The following ENTPD3 variants were observed in gnomAD, a reference collection of about 807,000 sequenced individuals.
ENTPD3 encodes the protein ectonucleoside triphosphate diphosphohydrolase 3.
Under a neutral mutation model 51.2 loss-of-function variants are expected in ENTPD3, and 60 were observed. The observed-to-expected ratio is 1.17, with a 90% CI of 0.95 to 1.45. The LOEUF is 1.45. Ranked by LOEUF, ENTPD3 falls within the 40% of genes most tolerant of loss-of-function variation. The probability of loss-of-function intolerance (pLI) is 0.00; values close to 1 mark genes in which losing one functional copy is unlikely to be tolerated. For missense variants in ENTPD3, 593 were observed against 641.1 expected, an observed-to-expected ratio of 0.93 and a Z score of 0.81; for synonymous variants, 221 against 238.4, an observed-to-expected ratio of 0.93 and a Z score of 0.67.
At chr3:40,424,786 T>A (rs1230294467) in intron 10 of ENTPD3, 2 of 701,886 alleles carry the variant, frequency 2.8e-6, no homozygotes, top group Non-Finnish European at 5.2e-6. Flanking sequence ...ATATGAAGCC[T>A]GAAGGATGTC....
intron 4 of ENTPD3, among the ~76,000 whole-genome samples, chr3:40,406,906 G>A (rs11720360): frequency 0.26 from 39,221 of 152,044 alleles, 5,969 homozygotes; most frequent in East Asian, 0.51. Context: ...GTAGCACCAA[G>A]GTTAAGAAAC....
intron 7 of ENTPD3, among the ~76,000 whole-genome samples, chr3:40,421,647 T>C (rs1955874682): frequency 6.6e-6 from 1 of 152,158 alleles, no homozygotes; most frequent in African/African-American, 2.4e-5. Flanking sequence ...AAATAAAGTA[T>C]GGTTTATTTG....
At chr3:40,400,264 CAAAAAAA>C (rs374610863) in intron 3 of ENTPD3, among the ~76,000 whole-genome samples, 7 of 72,610 alleles carry the variant, frequency 9.6e-5, no homozygotes, top group Middle Eastern at 8.1e-3. Flanking sequence ...AACTGCATCT[CAAAAAAA>C]AAAAAAAAAA....
chr3:40,406,277 G>A (rs780418841), intron 4 of ENTPD3, among the ~76,000 whole-genome samples: 8 of 152,152 alleles, frequency 5.3e-5, no homozygotes, highest in Non-Finnish European at 8.8e-5. Flanking sequence ...AAGCATGGAA[G>A]CTGCTCAGCA....
At chr3:40,402,864 C>A (rs1014857743) in intron 4 of ENTPD3, among the ~76,000 whole-genome samples, 3 of 151,994 alleles carry the variant, frequency 2.0e-5, no homozygotes, top group African/African-American at 7.3e-5. Flanking sequence ...GTAATTAGTC[C>A]AAGTAATTGA....
In ENTPD3 at chr3:40,414,859, A is replaced by G. The variant is rs1226030662; in HGVS notation, c.597+19A>G. 1 of 1,613,282 alleles carries G rather than the reference A, an allele frequency of 6.2e-7. No homozygotes were observed. Among genetic ancestry groups the G allele is most frequent in the South Asian group, 1.1e-5 (1 of 91,006 alleles). On this transcript the variant is annotated intron_variant, in intron 6 of 10. Transcript: ENST00000301825. ...CCTGGAGGTGTGTGCAAACAAATGCATGGTTTTTAATCTTACTGTTTATCC... is the reference window on the plus strand; with the variant it reads ...CCTGGAGGTGTGTGCAAACAAATGCGTGGTTTTTAATCTTACTGTTTATCC...
chr3:40,411,446 CT>C (rs1262236231), intron 4 of ENTPD3, among the ~76,000 whole-genome samples: 1 of 152,044 alleles, frequency 6.6e-6, no homozygotes, highest in Non-Finnish European at 1.5e-5. Context: ...CTGCATTTTG[CT>C]TTGTGGGAAG....
At chr3:40,424,933 A>G (rs1559520057) in intron 10 of ENTPD3, 7 of 613,510 alleles carry the variant, frequency 1.1e-5, no homozygotes, top group African/African-American at 1.8e-5. Flanking sequence ...GTCTGGAGAC[A>G]TAAGGACTGT....
intron 3 of ENTPD3, chr3:40,394,311 A>C: frequency 3.0e-6 from 1 of 331,186 alleles, no homozygotes; most frequent in South Asian, 2.3e-5. Flanking sequence ...TAGTACAGAT[A>C]GGGTTTCACC....
chr3:40,424,040 A>C, intron 10 of ENTPD3, 77 bp downstream of exon 10: 1 of 1,600,112 alleles, frequency 6.2e-7, no homozygotes, highest in Non-Finnish European at 8.5e-7. Context: ...CAAATGTAGA[A>C]GGTAAAAGGG....
At chr3:40,414,595 G>C in intron 5 of ENTPD3, 86 bp from the exon 6 acceptor site, 1 of 1,421,558 alleles carries the variant, frequency 7.0e-7, no homozygotes, top group Non-Finnish European at 9.7e-7. Flanking sequence ...AGACGGTGAA[G>C]TTTGCATTTT....
intron 1 of ENTPD3, 166 bp from the exon 2 acceptor site, chr3:40,387,880 A>T (rs1954973541): frequency 1.7e-6 from 1 of 574,430 alleles, no homozygotes; most frequent in Admixed American, 3.0e-5. Context: ...TTTAAGCTCC[A>T]GCTTTGGGGC....
intron 2 of ENTPD3, among the ~76,000 whole-genome samples, chr3:40,390,722 G>A (rs1272970501): frequency 2.0e-5 from 3 of 152,146 alleles, no homozygotes. Flanking sequence ...TCATTTTCAA[G>A]TTTTCTCCAA....
intron 7 of ENTPD3, among the ~76,000 whole-genome samples, chr3:40,421,022 T>A (rs1232481257): frequency 2.7e-5 from 4 of 146,984 alleles, no homozygotes; most frequent in South Asian, 2.1e-4. Context: ...TTAATTAATT[T>A]AAATTTTTTT....
intron 3 of ENTPD3, chr3:40,392,523 A>C (rs977608366): frequency 1.2e-5 from 2 of 171,578 alleles, no homozygotes; most frequent in African/African-American, 4.8e-5. Flanking sequence ...GGATTGCTTG[A>C]GTCCACGAGT....
In ENTPD3 at chr3:40,422,860, C is replaced by T. The variant is rs761481677; in HGVS notation, c.842C>T (p.Thr281Ile). 6.2e-7 allele frequency: 1 copy of T among 1,611,790 alleles called. No individual in the cohort carries two copies. The highest frequency in any genetic ancestry group is 8.5e-7 in the Non-Finnish European group (1 of 1,179,692). The change falls in exon 8 of 11, where the codon ACC (threonine) becomes ATC (isoleucine). Residue 281 changes from threonine to isoleucine, a missense_variant. Physicochemically the swap from Thr to Ile is moderately conservative, Grantham distance 89. Transcript: ENST00000301825. The part of the protein sequence containing the change: ...FLAMLLQNSP[T>I]KNHLTNPCYP... ...CTCTTATACCTACAGAATTCTCCTA[C>T]CAAAAACCATCTCACCAATCCCTGT...
At chr3:40,401,640 G>T (rs1271909608) in intron 4 of ENTPD3, among the ~76,000 whole-genome samples, 1 of 152,156 alleles carries the variant, frequency 6.6e-6, no homozygotes, top group Non-Finnish European at 1.5e-5. Flanking sequence ...GTAAACAAAT[G>T]GACATGGCTC....
chr3:40,419,864 C>A (rs769308309), intron 7 of ENTPD3, among the ~76,000 whole-genome samples: 3 of 152,158 alleles, frequency 2.0e-5, no homozygotes, highest in Non-Finnish European at 4.4e-5. Context: ...TTTTCTCCCT[C>A]GAGCCCATTG....
intron 4 of ENTPD3, among the ~76,000 whole-genome samples, chr3:40,404,264 ACAGG>A (rs1955441235): frequency 6.6e-6 from 1 of 152,196 alleles, no homozygotes; most frequent in Non-Finnish European, 1.5e-5. Flanking sequence ...TACCTACCCT[ACAGG>A]AGTGATTTGA....
Sources: allele counts gnomAD v4.1 joint callset (sites outside exome capture counted in the v4.1 genomes callset), GRCh38; gene constraint gnomAD v4.1.1; transcripts MANE v1.5; gene names NCBI Gene and HGNC (gene_info 2026-07-23, HGNC 2026-07-21).